The following ALS2 variants were observed in gnomAD, a reference collection of about 807,000 sequenced individuals.
ALS2 encodes alsin Rho guanine nucleotide exchange factor ALS2, also known as alsin.
ALS2 carries 117 observed loss-of-function variants against 203.4 expected under a neutral mutation model. The ratio of observed to expected loss-of-function variants is 0.58; its 90% CI spans 0.50 to 0.67. The LOEUF is 0.67. Ranked by LOEUF, ALS2 falls within the 30% of genes least tolerant of loss-of-function variation. The probability of loss-of-function intolerance (pLI) is 0.00; values close to 1 mark genes in which losing one functional copy is unlikely to be tolerated. For synonymous variants in ALS2, 718 were observed against 725.9 expected, an observed-to-expected ratio of 0.99 and a Z score of 0.17; for missense variants, 1,715 against 1,989.4, an observed-to-expected ratio of 0.86 and a Z score of 2.62.
chr2:201,763,187 G>A (rs1056754041), intron 3 of ALS2: 7 of 217,958 alleles, frequency 3.2e-5, no homozygotes, highest in South Asian at 1.5e-4. Context: ...CAATGTCCCC[G>A]TGCACAGAGG....
chr2:201,753,998 C>T (rs1693226811), intron 6 of ALS2, among the ~76,000 whole-genome samples: 1 of 149,656 alleles, frequency 6.7e-6, no homozygotes, highest in African/African-American at 2.5e-5. Context: ...TCTTTTACTG[C>T]TTTTTTTTTC....
intron 31 of ALS2, 129 bp from the exon 32 acceptor site, chr2:201,704,732 C>T (rs769741109): frequency 1.1e-4 from 117 of 1,053,886 alleles, no homozygotes; most frequent in Admixed American, 2.7e-4. Flanking sequence ...CATTATGAGT[C>T]GTTGGAAAGG....
rs1305632316 is a variant in ALS2 at position 201,729,122 on chromosome 2, T to G, written c.2642A>C (p.His881Pro). The G allele has an allele frequency of 6.2e-7, 1 of 1,613,564 alleles. No individual in the cohort carries two copies. Among genetic ancestry groups the G allele is most frequent in the South Asian group, 1.1e-5 (1 of 91,070 alleles). ...TGCTTCCTTCCTTTTCCTGCCGAGA[T>G]GGAGAGCAAGACACTCATAACAAGA... Reference protein sequence around the residue: ...SSSCYECLALHLGRKRKEAEY... With the variant: ...SSSCYECLALPLGRKRKEAEY... The change falls in exon 14 of 34, where the codon CAT (histidine) becomes CCT (proline). Residue 881 changes from histidine to proline, a missense_variant. His to Pro is a moderately conservative substitution (Grantham distance 77, BLOSUM62 -2). Coordinates refer to ENST00000264276, the MANE Select transcript of ALS2 (RefSeq NM_020919.4).
intron 32 of ALS2, 41 bp downstream of exon 32, chr2:201,704,413 A>C: frequency 6.2e-7 from 1 of 1,612,832 alleles, no homozygotes; most frequent in Non-Finnish European, 8.5e-7. Flanking sequence ...CAGACTTTTA[A>C]AAATAACGAC....
chr2:201,705,944 G>A (rs1157902863), intron 29 of ALS2, among the ~76,000 whole-genome samples: 4 of 54,366 alleles, frequency 7.4e-5, no homozygotes, highest in African/African-American at 2.2e-4. Flanking sequence ...GCAAGACTCC[G>A]TCTCAAAAAA....
intron 27 of ALS2, among the ~76,000 whole-genome samples, chr2:201,708,623 G>C (rs2105970327): frequency 6.6e-6 from 1 of 152,218 alleles, no homozygotes; most frequent in South Asian, 2.1e-4. Context: ...TTAAAAATGT[G>C]TTTTTAAAAC....
At position 201,725,415 on chromosome 2, in the gene ALS2, T is replaced by C. The variant is rs1691102714; in HGVS notation, c.3288A>G (p.Lys1096=). The change falls in exon 20 of 34, where the codon AAA becomes AAG. Residue 1096 remains lysine (K), a synonymous_variant. Coordinates refer to ENST00000264276, the MANE Select transcript of ALS2 (RefSeq NM_020919.4). ...EYRIPNKAMN[K]EDHYVGHWKE... is the part of the protein sequence containing the mutation. The stretch of plus-strand genomic sequence containing the variant: ...TCCAATGGCCCACATAATGGTCTTC[T>C]TTGTTCATTGCCTTGTTTGGGATTC... 6.2e-7 allele frequency: 1 copy of C among 1,614,028 alleles called. No individual in the cohort carries two copies. The highest frequency in any genetic ancestry group is 8.5e-7 in the Non-Finnish European group (1 of 1,180,010).
intron 13 of ALS2, among the ~76,000 whole-genome samples, chr2:201,730,747 T>C (rs1275048141): frequency 6.6e-6 from 1 of 152,234 alleles, no homozygotes; most frequent in African/African-American, 2.4e-5. Context: ...CTGCTTTACA[T>C]GTACTTTGCA....
In ALS2 at chr2:201,741,722, C is replaced by A. The variant is rs781456569; in HGVS notation, c.2303G>T (p.Ser768Ile). The A allele has an allele frequency of 1.1e-5, 18 of 1,613,980 alleles. 2 individuals carry two copies. In the South Asian group the frequency reaches 1.9e-4, roughly 17 times the overall value. Residue 768 changes from serine to isoleucine, a missense_variant, in exon 11 of 34, where the codon AGT (serine) becomes ATT (isoleucine). Ser to Ile is a moderately radical substitution (Grantham distance 142). Transcript: ENST00000264276. Reference sequence around the variant, plus strand: ...ACTTGAATGCTTCAGGATGACCAAACTCCTGGCTTCCTTTACCCCATGAAG... The same window carrying A: ...ACTTGAATGCTTCAGGATGACCAAAATCCTGGCTTCCTTTACCCCATGAAG... ...SFLHGVKEAR[S>I]LVILKHSSLF... is the part of the protein sequence containing the mutation.
intron 12 of ALS2, among the ~76,000 whole-genome samples, chr2:201,734,977 A>AT (rs1380806547): frequency 6.6e-6 from 1 of 152,226 alleles, no homozygotes; most frequent in Non-Finnish European, 1.5e-5. Context: ...AGATGAACTG[A>AT]TTGATAAAAT....
At chr2:201,704,653 GC>G in intron 31 of ALS2, 50 bp from the exon 32 acceptor site, 1 of 1,608,364 alleles carries the variant, frequency 6.2e-7, no homozygotes, top group Non-Finnish European at 8.5e-7. Context: ...TCTTAATAAA[GC>G]CATTTGATCG....
Position 201,718,495 on chromosome 2 carries a change from A to G in ALS2, c.3703-285T>C, listed in dbSNP as rs190341431. ...AGGCTGGTCTTGAACTCCTGACCTCAAGTGATCCACCCACCTTGGCCTCCC... is the reference window on the plus strand; with the variant it reads ...AGGCTGGTCTTGAACTCCTGACCTCGAGTGATCCACCCACCTTGGCCTCCC... On this transcript the variant is annotated intron_variant, in intron 23 of 33. Transcript: ENST00000264276. 1.6e-3 allele frequency among the ~76,000 whole-genome samples: 246 copies of G among 152,254 alleles called. 1 individual carries two copies. The highest frequency in any genetic ancestry group is 5.6e-3 in the African/African-American group (231 of 41,522).
intron 26 of ALS2, 41 bp downstream of exon 26, chr2:201,710,950 C>G: frequency 2.6e-6 from 3 of 1,165,460 alleles, no homozygotes; most frequent in Non-Finnish European, 2.6e-6. Context: ...GTAGGTGAAT[C>G]ATTAATTCAC....
Position 201,731,960 on chromosome 2 carries a change from A to G in ALS2, c.2580+1316T>C, listed in dbSNP as rs577998902. ...GTTTCAGGAAGGAAATATAAAGCAT[A>G]TGAAAGCTACATCCAGGGAAACTGA... On this transcript the variant is annotated intron_variant, in intron 13 of 33. Transcript: ENST00000264276. Among the ~76,000 whole-genome samples the G allele has an allele frequency of 3.3e-5, 5 of 152,336 alleles. No individual in the cohort carries two copies. In the East Asian group the frequency reaches 9.6e-4, roughly 29 times the overall value.
chr2:201,757,268 C>G, intron 5 of ALS2, 134 bp downstream of exon 5: 1 of 783,428 alleles, frequency 1.3e-6, no homozygotes, highest in Middle Eastern at 3.7e-4. Context: ...TTTAAAACCA[C>G]CATTAAATAA....
intron 1 of ALS2, among the ~76,000 whole-genome samples, chr2:201,771,478 G>C (rs1181532966): frequency 6.6e-6 from 1 of 152,138 alleles, no homozygotes; most frequent in Non-Finnish European, 1.5e-5. Flanking sequence ...AACTAAAAAG[G>C]AATATTGCAA....
intron 25 of ALS2, among the ~76,000 whole-genome samples, chr2:201,714,324 G>A (rs1406081403): frequency 6.6e-6 from 1 of 152,192 alleles, no homozygotes; most frequent in African/African-American, 2.4e-5. Context: ...GGGTGCCTAT[G>A]TGACCCGCCC....
At chr2:201,768,761 A>T in intron 2 of ALS2, 105 bp downstream of exon 2, 1 of 1,144,078 alleles carries the variant, frequency 8.7e-7, no homozygotes. Flanking sequence ...ATTCCCACTT[A>T]ACAACCATCA....
intron 7 of ALS2, 94 bp downstream of exon 7, chr2:201,753,052 G>A: frequency 1.0e-6 from 1 of 969,350 alleles, no homozygotes; most frequent in Non-Finnish European, 1.7e-6. Context: ...ATCATTGCCT[G>A]ACATATAGCA....
Sources: gnomAD v4.1 joint callset for allele counts (sites outside exome capture counted in the v4.1 genomes callset) on GRCh38, gnomAD v4.1.1 for gene constraint, MANE v1.5 for transcripts, NCBI Gene and HGNC (gene_info 2026-07-23, HGNC 2026-07-21) for gene names.